Variants in ARID1B observed in about 807,000 individuals in gnomAD.
The protein encoded by ARID1B is AT-rich interaction domain 1B.
Under a neutral mutation model 212.3 loss-of-function variants are expected in ARID1B, and 30 were observed. The observed-to-expected ratio is 0.14, with a 90% CI of 0.11 to 0.19. The LOEUF (loss-of-function observed/expected upper bound fraction) is 0.19. Ranked by LOEUF, ARID1B falls within the 10% of genes least tolerant of loss-of-function variation. ARID1B has a pLI of 1.00. For synonymous variants in ARID1B, 1,402 were observed against 1,301.7 expected (o/e 1.08, Z -1.66); for missense variants, 2,891 against 3,204.0 (o/e 0.90, Z 2.36).
rs567188694 is a variant in ARID1B at position 156,823,581 on chromosome 6, GT to G, written c.1792-5644del. 5.9e-5 allele frequency among the ~76,000 whole-genome samples: 9 copies of G among 152,092 alleles called. No homozygotes were observed. The South Asian group carries it at 1.7e-3, about 28-fold the overall frequency. ...AGAGAATGTTGTTTCCCGAACAATG[GT>G]TCAAAAGAGGGAAGAGTTTTCTATC... On this transcript the variant is annotated intron_variant, in intron 1 of 19. Coordinates refer to ENST00000636930, the MANE Select transcript of ARID1B (RefSeq NM_001374828.1).
intron 6 of ARID1B, among the ~76,000 whole-genome samples, chr6:157,113,976 C>CT (rs1787129480): frequency 6.6e-6 from 1 of 152,182 alleles, no homozygotes; most frequent in African/African-American, 2.4e-5. Context: ...ATGACAGTGA[C>CT]TTTAGTGCTT....
intron 4 of ARID1B, among the ~76,000 whole-genome samples, chr6:157,074,577 A>G (rs1211289313): frequency 6.6e-6 from 1 of 152,164 alleles, no homozygotes; most frequent in Non-Finnish European, 1.5e-5. Flanking sequence ...GTTTGGATAT[A>G]TAATTTACTT....
chr6:157,076,749 G>A (rs1222588849), intron 4 of ARID1B, among the ~76,000 whole-genome samples: 1 of 152,060 alleles, frequency 6.6e-6, no homozygotes, highest in African/African-American at 2.4e-5. Flanking sequence ...TATATTTACA[G>A]GTCTTGTTAG....
intron 2 of ARID1B, among the ~76,000 whole-genome samples, chr6:156,900,901 C>T (rs1046057654): frequency 3.3e-5 from 5 of 152,098 alleles, no homozygotes; most frequent in Non-Finnish European, 7.4e-5. Flanking sequence ...CTGTAAATGC[C>T]GTTGGTATAT....
chr6:157,018,239 TA>T (rs1305551003), intron 4 of ARID1B, among the ~76,000 whole-genome samples: 4 of 103,136 alleles, frequency 3.9e-5, no homozygotes, highest in Non-Finnish European at 4.0e-5. Flanking sequence ...TTTTTTGAGA[TA>T]CAGTCTTGCT....
At chr6:156,818,960 T>C (rs4869895) in intron 1 of ARID1B, among the ~76,000 whole-genome samples, 38,845 of 151,816 alleles carry the variant, frequency 0.26, 5,109 homozygotes, top group Non-Finnish European at 0.29. Context: ...AAAAAACCTG[T>C]TATGTACCAA....
intron 4 of ARID1B, chr6:156,943,121 A>T (rs1203908955): frequency 2.0e-5 from 3 of 152,186 alleles, no homozygotes; most frequent in African/African-American, 7.2e-5. Flanking sequence ...AGGATTTTAG[A>T]GGTGTCTCTC....
At chr6:157,188,069 G>A (rs1462284092) in intron 13 of ARID1B, among the ~76,000 whole-genome samples, 1 of 152,016 alleles carries the variant, frequency 6.6e-6, no homozygotes, top group Non-Finnish European at 1.5e-5. Flanking sequence ...TGGTTTGTAA[G>A]TATGAGTGAA....
chr6:157,202,472 A>G (rs6936283), intron 18 of ARID1B, among the ~76,000 whole-genome samples: 15,900 of 151,986 alleles, frequency 0.1, 1,794 homozygotes, highest in African/African-American at 0.28. Context: ...AATCACTTGA[A>G]CTCAGGAATT....
chr6:156,998,236 G>A (rs569811435), intron 4 of ARID1B, among the ~76,000 whole-genome samples: 4 of 147,918 alleles, frequency 2.7e-5, no homozygotes, highest in East Asian at 2.0e-4. Flanking sequence ...TTTGGTGGGC[G>A]GGGGTCAGAG....
At chr6:157,083,522 A>C (rs9480431) in intron 4 of ARID1B, among the ~76,000 whole-genome samples, 20,458 of 152,156 alleles carry the variant, frequency 0.13, 1,561 homozygotes, top group Non-Finnish European at 0.17. Flanking sequence ...AGCAGAAGAC[A>C]GTTTCTTCTT....
intron 4 of ARID1B, among the ~76,000 whole-genome samples, chr6:157,031,135 A>G (rs942352606): frequency 6.6e-6 from 1 of 152,210 alleles, no homozygotes; most frequent in African/African-American, 2.4e-5. Flanking sequence ...ATAATAAAGA[A>G]AAACACGGAA....
chr6:157,021,789 TAA>T (rs1780305048), intron 4 of ARID1B, among the ~76,000 whole-genome samples: 1 of 151,858 alleles, frequency 6.6e-6, no homozygotes, highest in Admixed American at 6.6e-5. Flanking sequence ...GCGTGTTTTC[TAA>T]AGTTTCTGCT....
chr6:156,919,505 A>G (rs1237068467), intron 3 of ARID1B, among the ~76,000 whole-genome samples: 1 of 152,220 alleles, frequency 6.6e-6, no homozygotes, highest in Non-Finnish European at 1.5e-5. Context: ...AGTAGCCAGG[A>G]AGCCAGGCAG....
intron 4 of ARID1B, among the ~76,000 whole-genome samples, chr6:157,081,759 G>A (rs1322486473): frequency 6.6e-6 from 1 of 152,186 alleles, no homozygotes; most frequent in Non-Finnish European, 1.5e-5. Flanking sequence ...CTTGTAGGCT[G>A]TGCAGAGAAT....
chr6:156,997,077 A>G (rs1778636264), intron 4 of ARID1B, among the ~76,000 whole-genome samples: 1 of 152,230 alleles, frequency 6.6e-6, no homozygotes, highest in Admixed American at 6.5e-5. Context: ...CCAAGGAATT[A>G]TTTTTAAACA....
At chr6:156,997,262 G>A (rs1037682571) in intron 4 of ARID1B, among the ~76,000 whole-genome samples, 3 of 152,176 alleles carry the variant, frequency 2.0e-5, no homozygotes, top group Non-Finnish European at 4.4e-5. Flanking sequence ...TGATGCATCT[G>A]AAGAAACCAT....
chr6:157,186,702 T>A, intron 13 of ARID1B: 1 of 354,496 alleles, frequency 2.8e-6, no homozygotes, highest in South Asian at 2.2e-5. Flanking sequence ...GAAGTCACTT[T>A]TTCCTGGAAG....
chr6:157,207,764 TG>T lies in ARID1B; in HGVS notation c.6994del (p.Asp2332ThrfsTer23). ...AAKALLAMARVDENRSEFLLH... is the reference protein window; with the variant it reads ...AAKALLAMARXDENRSEFLLH... ...AAGGCTTTGCTAGCCATGGCCAGAG[TG>T]GACGAAAACCGCTCGGAATTCCTTT... On this transcript the variant is annotated frameshift_variant, in exon 20 of 20. Transcript: ENST00000636930. LOFTEE classifies it high-confidence loss of function. This position sits in a 1 kb window ranked among gnomAD's most constrained non-coding sequence, Gnocchi z 8.5. The T allele has an allele frequency of 6.3e-7, 1 of 1,580,314 alleles. No homozygotes were observed. Among genetic ancestry groups the T allele is most frequent in the Non-Finnish European group, 8.6e-7 (1 of 1,158,182 alleles).
Sources: gnomAD v4.1 joint callset for allele counts (sites outside exome capture counted in the v4.1 genomes callset) on GRCh38, gnomAD v4.1.1 for gene constraint, Gnocchi (gnomAD v3.1) non-coding constraint, MANE v1.5 for transcripts, NCBI Gene and HGNC (gene_info 2026-07-23, HGNC 2026-07-21) for gene names.